Variants in LEPR observed in about 807,000 individuals in gnomAD.
LEPR encodes the protein leptin receptor.
In LEPR, 56 loss-of-function variants were observed where a neutral mutation model predicts 114.7. The ratio of observed to expected loss-of-function variants is 0.49; its 90% CI spans 0.39 to 0.61. The LOEUF (loss-of-function observed/expected upper bound fraction) is 0.61, where lower values mean the gene tolerates loss of function less well. LEPR is among the 20% of genes least tolerant of loss of function. LEPR has a pLI of 0.00. For missense variants in LEPR, 1,202 were observed against 1,352.9 expected, an observed-to-expected ratio of 0.89 and a Z score of 1.75; for synonymous variants, 443 against 461.4, an observed-to-expected ratio of 0.96 and a Z score of 0.51.
At chr1:65,509,705 C>T (rs1648938027) in intron 2 of LEPR, among the ~76,000 whole-genome samples, 1 of 152,136 alleles carries the variant, frequency 6.6e-6, no homozygotes, top group South Asian at 2.1e-4. Flanking sequence ...AAGGAATTAA[C>T]ACACAATTGT....
intron 2 of LEPR, among the ~76,000 whole-genome samples, chr1:65,478,197 A>T (rs940209519): frequency 1.2e-4 from 18 of 152,200 alleles, no homozygotes; most frequent in Non-Finnish European, 1.5e-5. Context: ...AAAAACACCC[A>T]GGCTAGGATT....
chr1:65,636,163 G>T, intron 19 of LEPR, 28 bp from the exon 20 acceptor site: 1 of 1,612,712 alleles, frequency 6.2e-7, no homozygotes, highest in Non-Finnish European at 8.5e-7. Context: ...TAACATAATT[G>T]AGCCTTAAAA....
chr1:65,515,219 T>C (rs568652106), intron 2 of LEPR, among the ~76,000 whole-genome samples: 22 of 152,318 alleles, frequency 1.4e-4, no homozygotes, highest in Non-Finnish European at 2.5e-4. Context: ...CTTAAGTCAC[T>C]GTGAGTTCTC....
At chr1:65,433,216 G>A (rs780318871) in intron 2 of LEPR, 72 of 984,252 alleles carry the variant, frequency 7.3e-5, no homozygotes, top group Non-Finnish European at 8.4e-5. Flanking sequence ...ACTTCTCTAC[G>A]GCTCTGGCTT....
intron 5 of LEPR, among the ~76,000 whole-genome samples, chr1:65,580,505 G>C (rs964624231): frequency 6.6e-6 from 1 of 152,222 alleles, no homozygotes; most frequent in Non-Finnish European, 1.5e-5. Flanking sequence ...TTTGGGCTCA[G>C]ATATTAATGT....
intron 2 of LEPR, chr1:65,432,880 C>A (rs1019116871): frequency 1.3e-5 from 11 of 847,792 alleles, no homozygotes; most frequent in African/African-American, 5.5e-5. Context: ...ACCTTATATT[C>A]AAAAATCATA....
intron 19 of LEPR, among the ~76,000 whole-genome samples, chr1:65,626,774 G>C (rs61781313): frequency 2.6e-5 from 4 of 152,022 alleles, no homozygotes; most frequent in African/African-American, 9.6e-5. Flanking sequence ...CCCTTTAGTA[G>C]CTGGGACCAT....
intron 2 of LEPR, among the ~76,000 whole-genome samples, chr1:65,554,973 TTG>T (rs1652710506): frequency 6.6e-6 from 1 of 152,108 alleles, no homozygotes; most frequent in Non-Finnish European, 1.5e-5. Flanking sequence ...AGGGAGTTTC[TTG>T]ATCCCTTGCA....
At chr1:65,457,720 T>A (rs1439902649) in intron 2 of LEPR, among the ~76,000 whole-genome samples, 2 of 152,218 alleles carry the variant, frequency 1.3e-5, no homozygotes, top group African/African-American at 4.8e-5. Context: ...TAGCTCCATG[T>A]GTCCACCTTT....
chr1:65,424,669 A>C (rs1333157300), intron 1 of LEPR, among the ~76,000 whole-genome samples: 1 of 152,234 alleles, frequency 6.6e-6, no homozygotes, highest in Admixed American at 6.5e-5. Context: ...AAGACTGGGA[A>C]GTCCAAAATT....
chr1:65,468,640 T>C (rs1044643963), intron 2 of LEPR, among the ~76,000 whole-genome samples: 1 of 152,162 alleles, frequency 6.6e-6, no homozygotes, highest in Non-Finnish European at 1.5e-5. Flanking sequence ...AGCCAAGTTA[T>C]GGTGTTCAGT....
intron 2 of LEPR, among the ~76,000 whole-genome samples, chr1:65,489,672 C>A (rs889451390): frequency 2.6e-5 from 4 of 152,170 alleles, no homozygotes; most frequent in African/African-American, 9.6e-5. Flanking sequence ...TGAGGTATTA[C>A]TCAAGAAATA....
chr1:65,613,319 G>A (rs1187550907), intron 14 of LEPR, among the ~76,000 whole-genome samples: 1 of 151,872 alleles, frequency 6.6e-6, no homozygotes, highest in African/African-American at 2.4e-5. Flanking sequence ...TGGTAAGTTC[G>A]ACTTTATTAA....
At chr1:65,634,316 C>G in intron 19 of LEPR, 1 of 982,896 alleles carries the variant, frequency 1.0e-6, no homozygotes, top group Middle Eastern at 5.2e-4. Context: ...ATGTGTCTTT[C>G]TTCCCTTCTT....
chr1:65,575,568 T>G (rs1402163276), intron 5 of LEPR, among the ~76,000 whole-genome samples: 1 of 151,586 alleles, frequency 6.6e-6, no homozygotes, highest in Non-Finnish European at 1.5e-5. Context: ...AAATGATGCC[T>G]TCTGAAGTTA....
chr1:65,488,987 A>T (rs748619049), intron 2 of LEPR, among the ~76,000 whole-genome samples: 1 of 152,156 alleles, frequency 6.6e-6, no homozygotes, highest in Non-Finnish European at 1.5e-5. Flanking sequence ...TTCATTATGT[A>T]TATGTACCAC....
chr1:65,506,880 A>G (rs1648754677), intron 2 of LEPR, among the ~76,000 whole-genome samples: 1 of 152,164 alleles, frequency 6.6e-6, no homozygotes, highest in Non-Finnish European at 1.5e-5. Flanking sequence ...ATAGAACACC[A>G]GAACTTATTC....
chr1:65,519,096 TCTGTGTCTCTCTC>T, intron 2 of LEPR, among the ~76,000 whole-genome samples: 2 of 141,974 alleles, frequency 1.4e-5, no homozygotes, highest in Non-Finnish European at 3.1e-5. Flanking sequence ...CCTTCCATCC[TCTGTGTCTCTCTC>T]TCCTTCCTTC....
chr1:65,444,371 G>A (rs1054028884), intron 2 of LEPR, among the ~76,000 whole-genome samples: 1 of 151,938 alleles, frequency 6.6e-6, no homozygotes, highest in Non-Finnish European at 1.5e-5. Flanking sequence ...CTCCCTGCAG[G>A]AGCCTTTAGG....
Sources: gnomAD v4.1 joint callset for allele counts (sites outside exome capture counted in the v4.1 genomes callset) on GRCh38, gnomAD v4.1.1 for gene constraint, MANE v1.5 for transcripts, NCBI Gene and HGNC (gene_info 2026-07-23, HGNC 2026-07-21) for gene names.